MRPL18: variants seen among roughly 807,000 people sequenced by gnomAD.
MRPL18 encodes large ribosomal subunit protein uL18m.
Under a neutral mutation model 20.9 loss-of-function variants are expected in MRPL18, and 16 were observed. The observed-to-expected ratio is 0.76, with a 90% CI of 0.52 to 1.16. MRPL18 has a LOEUF of 1.16. MRPL18 is among the 50% of genes most tolerant of loss of function. The pLI, the probability that MRPL18 is intolerant of heterozygous loss-of-function variation, is 0.00. For synonymous variants in MRPL18, 91 were observed against 87.1 expected (o/e 1.04, Z -0.25); for missense variants, 233 against 230.6 (o/e 1.01, Z -0.07).
intron 2 of MRPL18, among the ~76,000 whole-genome samples, 196 bp downstream of exon 2, chr6:159,791,322 G>A (rs561384204): frequency 6.6e-6 from 1 of 152,194 alleles, no homozygotes; most frequent in Admixed American, 6.5e-5. Flanking sequence ...CAGGATACCT[G>A]CCTGTCTGAG....
At chr6:159,796,925 T>A (rs1781043472) in intron 2 of MRPL18, among the ~76,000 whole-genome samples, 2 of 152,240 alleles carry the variant, frequency 1.3e-5, no homozygotes, top group Non-Finnish European at 2.9e-5. Flanking sequence ...CCGTCTTATA[T>A]TTATTTTGGT....
At chr6:159,795,343 C>T (rs1391813855) in intron 2 of MRPL18, among the ~76,000 whole-genome samples, 1 of 152,224 alleles carries the variant, frequency 6.6e-6, no homozygotes, top group Non-Finnish European at 1.5e-5. Context: ...TTCAGTCTAT[C>T]ACATGGGGAG....
In MRPL18 at chr6:159,798,034, T is replaced by C. The variant is rs1361440957; in HGVS notation, c.472-18T>C. 1.9e-6 allele frequency: 3 copies of C among 1,609,316 alleles called. No homozygotes were observed. The highest frequency in any genetic ancestry group is 1.7e-5 in the Admixed American group (1 of 59,438). ...GCTGACTTAATCTTTTCCTTTTTTT[T>C]CTGATTTTCAAAACCAGATGAAACG... is the stretch of plus-strand genomic sequence containing the variant. On this transcript the variant is annotated intron_variant, in intron 3 of 3. Coordinates refer to ENST00000367034, the MANE Select transcript of MRPL18 (RefSeq NM_014161.5).
At chr6:159,790,764 C>T in intron 1 of MRPL18, 125 bp downstream of exon 1, 1 of 1,426,352 alleles carries the variant, frequency 7.0e-7, no homozygotes. Flanking sequence ...ACTGCGAAGA[C>T]CACAGTAGGA....
intron 2 of MRPL18, among the ~76,000 whole-genome samples, chr6:159,791,978 A>T (rs1395284322): frequency 6.6e-6 from 1 of 152,208 alleles, no homozygotes; most frequent in Admixed American, 6.5e-5. Flanking sequence ...GTCTAGTATG[A>T]CTTGAGATAC....
intron 2 of MRPL18, among the ~76,000 whole-genome samples, chr6:159,791,449 G>A (rs917828183): frequency 1.3e-5 from 2 of 152,200 alleles, no homozygotes; most frequent in Non-Finnish European, 2.9e-5. Flanking sequence ...TGGATCTGAA[G>A]CTCAATGGGC....
chr6:159,797,593 AC>A, intron 3 of MRPL18, 75 bp downstream of exon 3: 1 of 1,375,236 alleles, frequency 7.3e-7, no homozygotes, highest in African/African-American at 1.4e-5. Flanking sequence ...CATAATAATA[AC>A]AGTTTTTACT....
At chr6:159,797,651 G>A in intron 3 of MRPL18, 133 bp downstream of exon 3, 1 of 754,852 alleles carries the variant, frequency 1.3e-6, no homozygotes, top group Non-Finnish European at 2.1e-6. Flanking sequence ...GTACTCAACA[G>A]TGTTACTTCA....
chr6:159,791,743 A>G (rs371725139), intron 2 of MRPL18, among the ~76,000 whole-genome samples: 121 of 152,302 alleles, frequency 7.9e-4, no homozygotes, highest in African/African-American at 2.6e-3. Flanking sequence ...CGTCTCTACT[A>G]AAAATATAAA....
chr6:159,791,096 C>T lies in MRPL18; in HGVS notation c.209C>T (p.Thr70Met), dbSNP rs1214468611. 4 of 1,614,082 alleles carry T rather than the reference C, an allele frequency of 2.5e-6. No homozygotes were observed. The highest frequency in any genetic ancestry group is 2.2e-5 in the East Asian group (1 of 44,894). ...GCCAGGAAAGAGCGGGGCTGGCGGA[C>T]GGTGTTTCCCTCCCGTGAGTTCTGG... ...SVARKERGWR[T>M]VFPSREFWHR... The change falls in exon 2 of 4, where the codon ACG becomes ATG. Residue 70 changes from threonine (T) to methionine (M), a missense_variant. Coordinates refer to ENST00000367034, the MANE Select transcript of MRPL18 (RefSeq NM_014161.5).
intron 2 of MRPL18, 92 bp downstream of exon 2, chr6:159,791,218 A>C: frequency 6.7e-7 from 1 of 1,483,744 alleles, no homozygotes; most frequent in Non-Finnish European, 9.1e-7. Context: ...GGTAGCTGCC[A>C]TGCGGCGGGT....
intron 2 of MRPL18, among the ~76,000 whole-genome samples, chr6:159,793,972 T>G (rs547050339): frequency 1.3e-5 from 2 of 152,110 alleles, no homozygotes; most frequent in African/African-American, 2.4e-5. Flanking sequence ...AGGAGTAGAC[T>G]CCATATTTCC....
chr6:159,791,006 A>G lies in MRPL18; in HGVS notation c.119A>G (p.Glu40Gly). 1 of 1,614,234 alleles carries G rather than the reference A, an allele frequency of 6.2e-7. No individual in the cohort carries two copies. The highest frequency in any genetic ancestry group is 8.5e-7 in the Non-Finnish European group (1 of 1,180,030). The change falls in exon 2 of 4, where the codon GAA becomes GGA. Residue 40 changes from glutamate (E) to glycine (G), a missense_variant. Transcript: ENST00000367034. ...PAAKPEVDPVENEAVAPEFTN... is the reference protein window; with the variant it reads ...PAAKPEVDPVGNEAVAPEFTN... ...GCGAAACCTGAAGTGGACCCTGTGG[A>G]AAATGAAGCTGTCGCCCCAGAATTC...
intron 3 of MRPL18, 38 bp downstream of exon 3, chr6:159,797,556 T>C: frequency 6.3e-7 from 1 of 1,579,744 alleles, no homozygotes; most frequent in Non-Finnish European, 8.7e-7. Context: ...AAAGGTATTG[T>C]GTTAATTCTT....
At chr6:159,794,041 G>C (rs765349894) in intron 2 of MRPL18, among the ~76,000 whole-genome samples, 8 of 152,196 alleles carry the variant, frequency 5.3e-5, no homozygotes, top group Non-Finnish European at 1.0e-4. Flanking sequence ...AATGATTTGG[G>C]TGTGTTTTCT....
In MRPL18 at chr6:159,791,061, T is replaced by C; in HGVS notation, c.174T>C (p.Leu58=). ...ACCGGAACCCCCGGAACCTGGAGCTTTTATCTGTAGCCAGGAAAGAGCGGG... is the reference window on the plus strand; with the variant it reads ...ACCGGAACCCCCGGAACCTGGAGCTCTTATCTGTAGCCAGGAAAGAGCGGG... ...FTNRNPRNLE[L]LSVARKERGW... is the part of the protein sequence containing the mutation. The change falls in exon 2 of 4, where the codon CTT becomes CTC. Residue 58 remains leucine, a synonymous_variant. Transcript: ENST00000367034. The C allele has an allele frequency of 6.2e-7, 1 of 1,614,178 alleles. No homozygotes were observed. The highest frequency in any genetic ancestry group is 1.1e-5 in the South Asian group (1 of 91,078).
At chr6:159,792,782 C>T (rs1352858483) in intron 2 of MRPL18, among the ~76,000 whole-genome samples, 6 of 152,160 alleles carry the variant, frequency 3.9e-5, no homozygotes, top group East Asian at 1.9e-4. Flanking sequence ...GGACTAGAGG[C>T]GCATGCCATT....
chr6:159,790,199 GC>G, upstream of MRPL18: 1 of 293,708 alleles, frequency 3.4e-6, no homozygotes, highest in Non-Finnish European at 6.6e-6. Flanking sequence ...CCTACGCGGT[GC>G]CCAGGTGGGG....
chr6:159,791,534 G>A (rs763718974), intron 2 of MRPL18, among the ~76,000 whole-genome samples: 6 of 152,206 alleles, frequency 3.9e-5, no homozygotes, highest in Non-Finnish European at 7.3e-5. Context: ...GTCAAGATGA[G>A]CACTTTAGAC....
Sources: allele counts gnomAD v4.1 joint callset (sites outside exome capture counted in the v4.1 genomes callset), GRCh38; gene constraint gnomAD v4.1.1; transcripts MANE v1.5; gene names NCBI Gene and HGNC (gene_info 2026-07-23, HGNC 2026-07-21).